Variants in ASH1L observed in about 807,000 individuals in gnomAD.
The protein encoded by ASH1L is ASH1 like histone lysine methyltransferase, also known as histone-lysine N-methyltransferase ASH1L.
Under a neutral mutation model 269.0 loss-of-function variants are expected in ASH1L, and 23 were observed. The observed-to-expected ratio is 0.09, with a 90% CI of 0.06 to 0.12. The LOEUF is 0.12. ASH1L is among the 10% of genes least tolerant of loss of function. The probability of loss-of-function intolerance (pLI) is 1.00; values close to 1 mark genes in which losing one functional copy is unlikely to be tolerated. For synonymous variants in ASH1L, 1,187 were observed against 1,253.5 expected, an observed-to-expected ratio of 0.95 and a Z score of 1.12; for missense variants, 2,912 against 3,567.8, an observed-to-expected ratio of 0.82 and a Z score of 4.68.
In ASH1L at chr1:155,480,202, T is replaced by C; in HGVS notation, c.2668A>G (p.Arg890Gly). 6.2e-7 allele frequency: 1 copy of C among 1,614,188 alleles called. No individual in the cohort carries two copies. The highest frequency in any genetic ancestry group is 8.5e-7 in the Non-Finnish European group (1 of 1,180,012). ...GLSVSPFPKK[R>G]GRPKRQMRSP... ...CTCATTTGCCTCTTAGGCCTGCCTC[T>C]CTTTTTTGGAAAAGGAGACACAGAC... is the stretch of plus-strand genomic sequence containing the variant. Residue 890 changes from arginine to glycine, a missense_variant, in exon 3 of 28, where the codon AGA becomes GGA. By Grantham distance (125) the Arg-to-Gly change is moderately radical. This residue lies in a region of ASH1L where 715 missense variants were observed against 721.0 expected (regional missense o/e 0.99). Coordinates refer to ENST00000392403, the MANE Select transcript of ASH1L (RefSeq NM_018489.3).
chr1:155,478,625 A>G lies in ASH1L; in HGVS notation c.4245T>C (p.Pro1415=). 6.2e-7 allele frequency: 1 copy of G among 1,614,070 alleles called. No homozygotes were observed. The highest frequency in any genetic ancestry group is 2.2e-5 in the East Asian group (1 of 44,884). ...GAGGTGGAAGTGGCGTGGTGAAAGA[A>G]GGAGATGGAGGAGGTGGATAAAGAG... ...PPTLYPPPPS[P]SFTTPLPPPS... The change falls in exon 3 of 28, where the codon CCT becomes CCC. Residue 1415 remains proline, a synonymous_variant. Coordinates refer to ENST00000392403, the MANE Select transcript of ASH1L (RefSeq NM_018489.3). This position sits in a 1 kb window ranked among gnomAD's most constrained non-coding sequence, Gnocchi z 4.6.
intron 7 of ASH1L, among the ~76,000 whole-genome samples, chr1:155,385,398 T>C (rs1657344437): frequency 6.6e-6 from 1 of 152,156 alleles, no homozygotes; most frequent in African/African-American, 2.4e-5. Context: ...GGGCAGAGAT[T>C]GTGCCACTGC....
At chr1:155,500,674 G>A (rs1298431617) in intron 2 of ASH1L, among the ~76,000 whole-genome samples, 1 of 152,128 alleles carries the variant, frequency 6.6e-6, no homozygotes, top group Admixed American at 6.5e-5. Flanking sequence ...TCTGGTAAGA[G>A]CTGAGGAGCC....
chr1:155,480,034 C>G lies in ASH1L; in HGVS notation c.2836G>C (p.Asp946His), dbSNP rs1558149619. ...GGCCTATGACTGTCATCTAGGTCAT[C>G]TGGATCCTGAAGTTGATCCTCGCTC... ...FESEDQLQDP[D>H]DLDDSHRPSV... Residue 946 changes from aspartate to histidine, a missense_variant, in exon 3 of 28, where the codon GAT (aspartate) becomes CAT (histidine). Around this residue, in one of 13 missense-constraint regions of ASH1L, gnomAD observed 715 missense variants for 721.0 expected, o/e 0.99. Transcript: ENST00000392403. 2 of 1,614,002 alleles carry G rather than the reference C, an allele frequency of 1.2e-6. No individual in the cohort carries two copies. Among genetic ancestry groups the G allele is most frequent in the Non-Finnish European group, 1.7e-6 (2 of 1,180,024 alleles).
intron 12 of ASH1L, among the ~76,000 whole-genome samples, chr1:155,361,913 T>A (rs2148388570): frequency 6.6e-6 from 1 of 150,796 alleles, no homozygotes; most frequent in Non-Finnish European, 1.5e-5. Context: ...ACTTATTAAA[T>A]GAGTTAAAAT....
At chr1:155,449,682 G>A (rs1264023742) in intron 4 of ASH1L, among the ~76,000 whole-genome samples, 1 of 151,754 alleles carries the variant, frequency 6.6e-6, no homozygotes, top group African/African-American at 2.4e-5. Context: ...ACCATGCCTG[G>A]CTACTTTTTT....
intron 2 of ASH1L, among the ~76,000 whole-genome samples, chr1:155,482,690 G>A (rs902887670): frequency 6.6e-6 from 1 of 152,112 alleles, no homozygotes; most frequent in Non-Finnish European, 1.5e-5. Flanking sequence ...ACATTAGAGG[G>A]TCTTTAGAAA....
chr1:155,488,668 C>CAAAAA (rs371829476), intron 2 of ASH1L, among the ~76,000 whole-genome samples: 22 of 29,194 alleles, frequency 7.5e-4, no homozygotes, highest in East Asian at 3.1e-3. Context: ...GACTCTGTCA[C>CAAAAA]AAAAAAAAAA....
At chr1:155,446,488 G>A (rs891872434) in intron 4 of ASH1L, among the ~76,000 whole-genome samples, 8 of 150,950 alleles carry the variant, frequency 5.3e-5, no homozygotes, top group Admixed American at 5.3e-4. Flanking sequence ...TTGCAGAGAT[G>A]GGGTTTCACC....
At chr1:155,470,605 G>A (rs1359651644) in intron 3 of ASH1L, among the ~76,000 whole-genome samples, 1 of 145,200 alleles carries the variant, frequency 6.9e-6, no homozygotes, top group Admixed American at 6.9e-5. Flanking sequence ...AGGCCGGAGT[G>A]CAATGGTGCA....
At position 155,453,692 on chromosome 1, in the gene ASH1L, G is replaced by A. The variant is rs543332846; in HGVS notation, c.5086+6105C>T. Among the ~76,000 whole-genome samples, 5 of 151,260 alleles carry A rather than the reference G, an allele frequency of 3.3e-5. No homozygotes were observed. In the South Asian group the frequency reaches 8.4e-4, roughly 25 times the overall value. Reference sequence around the variant, plus strand: ...TGCACATCTGCAGTCCCAGCTACTCGGGAGGCTGAGGTAGCAGAATCACTT... The same window carrying A: ...TGCACATCTGCAGTCCCAGCTACTCAGGAGGCTGAGGTAGCAGAATCACTT... On this transcript the variant is annotated intron_variant, in intron 4 of 27. Transcript: ENST00000392403.
intron 7 of ASH1L, among the ~76,000 whole-genome samples, chr1:155,387,368 A>T (rs1657523886): frequency 1.3e-5 from 2 of 152,232 alleles, no homozygotes; most frequent in Admixed American, 1.3e-4. Flanking sequence ...CAGTTATCCC[A>T]GCACCATTTA....
chr1:155,535,365 CA>C, intron 1 of ASH1L, among the ~76,000 whole-genome samples: 1 of 152,210 alleles, frequency 6.6e-6, no homozygotes, highest in Admixed American at 6.5e-5. Flanking sequence ...GCGCAGCTAA[CA>C]GGGGGCAAGC....
intron 6 of ASH1L, among the ~76,000 whole-genome samples, chr1:155,411,586 A>ATATAT (rs1558075618): frequency 1.3e-3 from 74 of 55,162 alleles, no homozygotes; most frequent in East Asian, 4.1e-3. Context: ...TAAATAAATA[A>ATATAT]ATATATATAT....
intron 26 of ASH1L, among the ~76,000 whole-genome samples, chr1:155,338,985 C>A (rs1369594175): frequency 6.6e-6 from 1 of 152,212 alleles, no homozygotes; most frequent in East Asian, 1.9e-4. Flanking sequence ...GAAAACTGTA[C>A]TGGCTACATC....
At chr1:155,374,101 G>A (rs955700747) in intron 10 of ASH1L, among the ~76,000 whole-genome samples, 2 of 152,200 alleles carry the variant, frequency 1.3e-5, no homozygotes, top group African/African-American at 4.8e-5. Context: ...GGCAGAGGCG[G>A]GAGGATCACG....
chr1:155,493,110 C>A (rs1666922280), intron 2 of ASH1L, among the ~76,000 whole-genome samples: 1 of 152,196 alleles, frequency 6.6e-6, no homozygotes, highest in East Asian at 1.9e-4. Context: ...TGCCACTGCA[C>A]CCAACCAAAT....
intron 6 of ASH1L, among the ~76,000 whole-genome samples, chr1:155,413,504 G>A (rs1659966836): frequency 2.0e-5 from 3 of 152,224 alleles, no homozygotes; most frequent in Non-Finnish European, 4.4e-5. Context: ...CTACTTGGGA[G>A]GCTGAGGCAG....
chr1:155,454,414 G>C (rs1315739114), intron 4 of ASH1L, among the ~76,000 whole-genome samples: 1 of 152,156 alleles, frequency 6.6e-6, no homozygotes, highest in African/African-American at 2.4e-5. Context: ...TCAATACAAA[G>C]ATTATGGAAG....
Sources: allele counts gnomAD v4.1 joint callset (sites outside exome capture counted in the v4.1 genomes callset), GRCh38; gene constraint gnomAD v4.1.1; regional missense constraint gnomAD v4.1.1; non-coding constraint Gnocchi (gnomAD v3.1); transcripts MANE v1.5; gene names NCBI Gene and HGNC (gene_info 2026-07-23, HGNC 2026-07-21).